The following DPYD variants were observed in gnomAD, a reference collection of about 807,000 sequenced individuals.
DPYD encodes the protein dihydropyrimidine dehydrogenase [NADP(+)].
DPYD carries 109 observed loss-of-function variants against 116.2 expected under a neutral mutation model. The ratio of observed to expected loss-of-function variants is 0.94; its 90% CI spans 0.80 to 1.10. The LOEUF is 1.10. Among genes scored for constraint, DPYD ranks in the 50% least tolerant of loss-of-function variants. The probability of loss-of-function intolerance (pLI) is 0.00; values close to 1 mark genes in which losing one functional copy is unlikely to be tolerated. For missense variants in DPYD, 1,302 were observed against 1,254.5 expected, an observed-to-expected ratio of 1.04 and a Z score of -0.57; for synonymous variants, 440 against 432.0, an observed-to-expected ratio of 1.02 and a Z score of -0.23.
chr1:97,792,813 T>C (rs746116273), intron 3 of DPYD, among the ~76,000 whole-genome samples: 2 of 152,142 alleles, frequency 1.3e-5, no homozygotes, highest in Non-Finnish European at 2.9e-5. Context: ...GTAAGGCACA[T>C]TCTACAAAAT....
chr1:97,318,653 T>C (rs1192406691), intron 16 of DPYD, among the ~76,000 whole-genome samples: 1 of 151,552 alleles, frequency 6.6e-6, no homozygotes, highest in Non-Finnish European at 1.5e-5. Context: ...CACCCCACTG[T>C]CAACATTAGA....
At chr1:97,563,273 A>G (rs1019451958) in intron 11 of DPYD, among the ~76,000 whole-genome samples, 2 of 152,174 alleles carry the variant, frequency 1.3e-5, no homozygotes, top group African/African-American at 4.8e-5. Context: ...TTTCAGAATA[A>G]CCTTTTACTA....
chr1:97,693,499 G>T (rs1314244580), intron 6 of DPYD, among the ~76,000 whole-genome samples: 1 of 152,024 alleles, frequency 6.6e-6, no homozygotes, highest in African/African-American at 2.4e-5. Flanking sequence ...ACAAGAATGT[G>T]CCAGAATGCT....
chr1:97,529,394 T>C (rs1418167950), intron 12 of DPYD, among the ~76,000 whole-genome samples: 1 of 152,238 alleles, frequency 6.6e-6, no homozygotes, highest in African/African-American at 2.4e-5. Context: ...TTTTATTTAT[T>C]AATGGTTAAA....
intron 4 of DPYD, among the ~76,000 whole-genome samples, chr1:97,739,714 A>C (rs1487308664): frequency 6.6e-6 from 1 of 152,094 alleles, no homozygotes; most frequent in Non-Finnish European, 1.5e-5. Context: ...AAAGGATTAG[A>C]CACTTGGGCG....
intron 15 of DPYD, among the ~76,000 whole-genome samples, chr1:97,378,731 A>G (rs1177975377): frequency 1.3e-5 from 2 of 152,200 alleles, no homozygotes; most frequent in Non-Finnish European, 2.9e-5. Context: ...GCTGGTAAAG[A>G]AAGCCTTGTG....
At chr1:97,801,024 T>C (rs1667819767) in intron 3 of DPYD, among the ~76,000 whole-genome samples, 1 of 151,938 alleles carries the variant, frequency 6.6e-6, no homozygotes. Flanking sequence ...CCATTCATTC[T>C]ACAACCTATT....
intron 14 of DPYD, among the ~76,000 whole-genome samples, chr1:97,419,012 C>T (rs1674436012): frequency 6.6e-6 from 1 of 152,154 alleles, no homozygotes; most frequent in African/African-American, 2.4e-5. Flanking sequence ...TTCTTACTCC[C>T]AGACAATGAT....
chr1:97,155,151 T>C (rs1655343871), intron 20 of DPYD, among the ~76,000 whole-genome samples: 1 of 152,218 alleles, frequency 6.6e-6, no homozygotes, highest in African/African-American at 2.4e-5. Flanking sequence ...CAGACAGACT[T>C]GGGCTTGCTG....
At chr1:97,608,723 C>T (rs190326382) in intron 8 of DPYD, among the ~76,000 whole-genome samples, 10 of 151,294 alleles carry the variant, frequency 6.6e-5, no homozygotes, top group African/African-American at 2.2e-4. Flanking sequence ...TTAATTGGAG[C>T]ACATTAAAAT....
intron 8 of DPYD, among the ~76,000 whole-genome samples, chr1:97,636,309 C>T (rs576138390): frequency 6.6e-6 from 1 of 151,892 alleles, no homozygotes; most frequent in Admixed American, 6.6e-5. Context: ...TCCCTTTTTC[C>T]CACTTTCATT....
intron 19 of DPYD, among the ~76,000 whole-genome samples, chr1:97,200,108 C>A (rs1337924123): frequency 6.6e-6 from 1 of 152,110 alleles, no homozygotes; most frequent in Non-Finnish European, 1.5e-5. Flanking sequence ...TTTGTGTAAT[C>A]AAATAGCACA....
chr1:97,274,480 C>T (rs1257214608), intron 18 of DPYD, among the ~76,000 whole-genome samples: 3 of 152,114 alleles, frequency 2.0e-5, no homozygotes, highest in Admixed American at 1.3e-4. Flanking sequence ...GAAGCAGATG[C>T]CAGCACTATG....
At chr1:97,096,942 G>T (rs922895720) in intron 21 of DPYD, among the ~76,000 whole-genome samples, 1 of 152,066 alleles carries the variant, frequency 6.6e-6, no homozygotes, top group Non-Finnish European at 1.5e-5. Context: ...CTTCATTCTC[G>T]AAGTCAGCGA....
At chr1:97,579,699 T>C (rs1043699757) in intron 10 of DPYD, among the ~76,000 whole-genome samples, 1 of 152,248 alleles carries the variant, frequency 6.6e-6, no homozygotes, top group Non-Finnish European at 1.5e-5. Context: ...ATGGCACCCA[T>C]ATATATTTAT....
intron 19 of DPYD, among the ~76,000 whole-genome samples, chr1:97,227,247 A>C (rs944847188): frequency 3.4e-5 from 5 of 145,698 alleles, no homozygotes; most frequent in African/African-American, 5.1e-5. Flanking sequence ...AAATGGCTTG[A>C]ATCTGGGAGG....
chr1:97,533,808 G>A (rs933179588), intron 12 of DPYD, among the ~76,000 whole-genome samples: 4 of 152,162 alleles, frequency 2.6e-5, no homozygotes, highest in Admixed American at 2.0e-4. Flanking sequence ...AGAGTGTGAA[G>A]AGAAAACCAG....
chr1:97,581,232 C>CAAA (rs1653642146), intron 10 of DPYD, among the ~76,000 whole-genome samples: 1 of 142,332 alleles, frequency 7.0e-6, no homozygotes, highest in Non-Finnish European at 1.5e-5. Flanking sequence ...GATGCTGAGG[C>CAAA]AGGAGAATGG....
intron 8 of DPYD, among the ~76,000 whole-genome samples, chr1:97,653,797 G>A (rs149284961): frequency 7.2e-5 from 11 of 152,054 alleles, no homozygotes; most frequent in East Asian, 1.9e-4. Flanking sequence ...GAGTAATAAC[G>A]ATAAAATTCT....
Sources: gnomAD v4.1 joint callset for allele counts (sites outside exome capture counted in the v4.1 genomes callset) on GRCh38, gnomAD v4.1.1 for gene constraint, MANE v1.5 for transcripts, NCBI Gene and HGNC (gene_info 2026-07-23, HGNC 2026-07-21) for gene names.